Variants in EMILIN2 observed in about 807,000 individuals in gnomAD.
EMILIN2 encodes EMILIN-2.
Under a neutral mutation model 87.1 loss-of-function variants are expected in EMILIN2, and 71 were observed. The observed-to-expected ratio is 0.82, with a 90% CI of 0.67 to 0.99. The LOEUF (loss-of-function observed/expected upper bound fraction) is 0.99. EMILIN2 is among the 50% of genes least tolerant of loss of function. The pLI is 0.00. For synonymous variants in EMILIN2, 581 were observed against 563.4 expected (o/e 1.03, Z -0.44); for missense variants, 1,407 against 1,371.8 (o/e 1.03, Z -0.40).
intron 4 of EMILIN2, among the ~76,000 whole-genome samples, chr18:2,893,558 TTTG>T (rs1287900862): frequency 6.6e-6 from 1 of 152,192 alleles, no homozygotes; most frequent in African/African-American, 2.4e-5. Context: ...ATAAGATTTT[TTTG>T]TTACTTGTGG....
intron 2 of EMILIN2, among the ~76,000 whole-genome samples, chr18:2,859,188 T>G (rs778281133): frequency 1.3e-5 from 2 of 152,168 alleles, no homozygotes; most frequent in Non-Finnish European, 2.9e-5. Context: ...CCATCAGCAG[T>G]GTAGAAGTGT....
Position 2,890,336 on chromosome 18 carries a change from G to A in EMILIN2, c.434-225G>A, listed in dbSNP as rs2076828234. Among the ~76,000 whole-genome samples, 1 of 152,190 alleles carries A rather than the reference G, an allele frequency of 6.6e-6. No homozygotes were observed. Among genetic ancestry groups the A allele is most frequent in the Admixed American group, 6.5e-5 (1 of 15,272 alleles). On this transcript the variant is annotated intron_variant, in intron 3 of 7. Transcript: ENST00000254528. The surrounding 1 kb of genome is among the most constrained non-coding windows in gnomAD (Gnocchi z 4.7). ...ATAGTTCACAGAAGTTAGTTAACTTGCTCAAGGACAAACAGTAAATAGCAG... is the reference window on the plus strand; with the variant it reads ...ATAGTTCACAGAAGTTAGTTAACTTACTCAAGGACAAACAGTAAATAGCAG...
intron 3 of EMILIN2, among the ~76,000 whole-genome samples, chr18:2,889,133 C>CTTTTCTTTTT (rs2076819032): frequency 6.9e-4 from 58 of 84,306 alleles, no homozygotes; most frequent in Middle Eastern, 7.9e-3. Context: ...TCTTTCTTTT[C>CTTTTCTTTTT]TTTTTTTTTT....
intron 2 of EMILIN2, among the ~76,000 whole-genome samples, chr18:2,870,540 C>T (rs1272294843): frequency 3.9e-5 from 6 of 152,228 alleles, no homozygotes; most frequent in South Asian, 2.1e-4. Flanking sequence ...TAAATAATTA[C>T]GACATAAAAG....
At chr18:2,902,781 A>G (rs140309474) in intron 4 of EMILIN2, among the ~76,000 whole-genome samples, 19 of 152,280 alleles carry the variant, frequency 1.2e-4, no homozygotes, top group Non-Finnish European at 2.4e-4. Context: ...GATCCAAGCA[A>G]TATTTCCAAA....
Position 2,892,243 on chromosome 18 carries a change from G to T in EMILIN2, c.2116G>T (p.Val706Leu), listed in dbSNP as rs1483686749. 5.0e-6 allele frequency: 8 copies of T among 1,612,848 alleles called. No individual in the cohort carries two copies. The highest frequency in any genetic ancestry group is 1.7e-5 in the Admixed American group (1 of 59,986). ...QREVSMVEGR[V>L]SHMEKTCSKL... The stretch of plus-strand genomic sequence containing the variant: ...GGAGGTCTCCATGGTGGAGGGCAGG[G>T]TGTCTCATATGGAGAAAACTTGCAG... The change falls in exon 4 of 8, where the codon GTG becomes TTG. Residue 706 changes from valine to leucine, a missense_variant. Transcript: ENST00000254528.
In EMILIN2 at chr18:2,915,103, G is replaced by A. The variant is rs551731211; in HGVS notation, c.*1699G>A. 5.9e-5 allele frequency: 9 copies of A among 152,402 alleles called. No homozygotes were observed. The highest frequency in any genetic ancestry group is 4.6e-4 in the Admixed American group (7 of 15,306). The allele number at this position is 152,402 out of a possible 1,614,324, so 9.4% of individuals were successfully genotyped here. Reference sequence around the variant, plus strand: ...AAGGGGACGTGCTCAAGAGCTGCAGGGGCAGGGCCCAGGCAAAAGGTGGGT... The same window carrying A: ...AAGGGGACGTGCTCAAGAGCTGCAGAGGCAGGGCCCAGGCAAAAGGTGGGT... On this transcript the variant is annotated 3_prime_UTR_variant, in exon 8 of 8. Transcript: ENST00000254528.
rs185657102 is a variant in EMILIN2 at position 2,849,709 on chromosome 18, A to G, written c.257+1778A>G. 2.9e-3 allele frequency among the ~76,000 whole-genome samples: 444 copies of G among 152,364 alleles called. 2 individuals are homozygous for G. Among genetic ancestry groups the G allele is most frequent in the African/African-American group, 0.01 (422 of 41,584 alleles). On this transcript the variant is annotated intron_variant, in intron 2 of 7. Coordinates refer to ENST00000254528, the MANE Select transcript of EMILIN2 (RefSeq NM_032048.3). ...GATGTTTTATTTCAATAATAACCAT[A>G]TAAACAATACAAGTGCATTTTTACA...
intron 7 of EMILIN2, among the ~76,000 whole-genome samples, chr18:2,910,172 T>A (rs895848959): frequency 2.9e-5 from 4 of 138,834 alleles, no homozygotes; most frequent in African/African-American, 1.0e-4. Flanking sequence ...ATAGCCACCA[T>A]TGCACCCCTC....
intron 2 of EMILIN2, among the ~76,000 whole-genome samples, chr18:2,882,246 C>T (rs1199019837): frequency 6.6e-6 from 1 of 152,196 alleles, no homozygotes; most frequent in African/African-American, 2.4e-5. Context: ...TCCCAACTGC[C>T]CGAGCAGCCC....
intron 4 of EMILIN2, among the ~76,000 whole-genome samples, chr18:2,895,893 C>A (rs1397571399): frequency 6.6e-6 from 1 of 152,116 alleles, no homozygotes; most frequent in Non-Finnish European, 1.5e-5. Flanking sequence ...GAGCACAGAT[C>A]CAGAGGTGAA....
intron 2 of EMILIN2, among the ~76,000 whole-genome samples, chr18:2,865,626 G>A (rs1042712415): frequency 6.6e-6 from 1 of 152,220 alleles, no homozygotes; most frequent in Non-Finnish European, 1.5e-5. Flanking sequence ...CCCTACTGGG[G>A]GGTGCCTCCC....
chr18:2,910,609 C>T (rs2076936126), intron 7 of EMILIN2, among the ~76,000 whole-genome samples: 1 of 152,078 alleles, frequency 6.6e-6, no homozygotes, highest in Non-Finnish European at 1.5e-5. Context: ...AGTCACTGTT[C>T]TGCTCACGCA....
At position 2,865,170 on chromosome 18, in the gene EMILIN2, C is replaced by T. The variant is rs889570160; in HGVS notation, c.257+17239C>T. Reference sequence around the variant, plus strand: ...CTTTGCCATGGGTTTGAACTTCCTCCTTTAGCTCGTAGTAGTTTGATCTTC... The same window carrying T: ...CTTTGCCATGGGTTTGAACTTCCTCTTTTAGCTCGTAGTAGTTTGATCTTC... On this transcript the variant is annotated intron_variant, in intron 2 of 7. Coordinates refer to ENST00000254528, the MANE Select transcript of EMILIN2 (RefSeq NM_032048.3). 4.0e-5 allele frequency among the ~76,000 whole-genome samples: 6 copies of T among 151,738 alleles called. No individual in the cohort carries two copies. In the East Asian group the frequency reaches 1.2e-3, roughly 29 times the overall value.
rs755823271 is a variant in EMILIN2 at position 2,848,517 on chromosome 18, G to A, written c.257+586G>A. ...AACTTAGATTTGGAGATTCTCTAGA[G>A]ATTGTGGGAGAGAATGGCCGTTAAA... On this transcript the variant is annotated intron_variant, in intron 2 of 7. Coordinates refer to ENST00000254528, the MANE Select transcript of EMILIN2 (RefSeq NM_032048.3). This position sits in a 1 kb window ranked among gnomAD's most constrained non-coding sequence, Gnocchi z 4.1. 2.6e-5 allele frequency among the ~76,000 whole-genome samples: 4 copies of A among 151,746 alleles called. No individual in the cohort carries two copies. Among genetic ancestry groups the A allele is most frequent in the Non-Finnish European group, 4.4e-5 (3 of 67,970 alleles).
At chr18:2,859,122 A>G (rs1202819459) in intron 2 of EMILIN2, among the ~76,000 whole-genome samples, 1 of 152,128 alleles carries the variant, frequency 6.6e-6, no homozygotes, top group African/African-American at 2.4e-5. Context: ...TTCTACTTTT[A>G]GTTCTTTAAG....
rs1258934479 is a variant in EMILIN2 at position 2,913,339 on chromosome 18, G to A, written c.3097G>A (p.Asp1033Asn). The A allele has an allele frequency of 6.2e-7, 1 of 1,612,626 alleles. No individual in the cohort carries two copies. The highest frequency in any genetic ancestry group is 8.5e-7 in the Non-Finnish European group (1 of 1,179,248). Reference sequence around the variant, plus strand: ...GACTGGGGGCAAGCTGGCTCACACAGACTTTGATGAAATGTACTCCACATT... The same window carrying A: ...GACTGGGGGCAAGCTGGCTCACACAAACTTTGATGAAATGTACTCCACATT... The part of the protein sequence containing the change: ...VVTGGKLAHT[D>N]FDEMYSTFSG... Residue 1033 changes from aspartate to asparagine, a missense_variant, in exon 8 of 8, where the codon GAC becomes AAC. By Grantham distance (23) the Asp-to-Asn change is conservative (BLOSUM62 1). Transcript: ENST00000254528.
chr18:2,873,880 G>A (rs2144000699), intron 2 of EMILIN2, among the ~76,000 whole-genome samples: 1 of 152,230 alleles, frequency 6.6e-6, no homozygotes, highest in Admixed American at 6.5e-5. Context: ...AAGGCTTAGT[G>A]TCCTGCGGCC....
chr18:2,853,097 A>G (rs2076609445), intron 2 of EMILIN2, among the ~76,000 whole-genome samples: 2 of 152,334 alleles, frequency 1.3e-5, no homozygotes, highest in South Asian at 2.1e-4. Flanking sequence ...TGGACTCTAA[A>G]TAACACCTAG....
Sources: allele counts gnomAD v4.1 joint callset (sites outside exome capture counted in the v4.1 genomes callset), GRCh38; gene constraint gnomAD v4.1.1; non-coding constraint Gnocchi (gnomAD v3.1); transcripts MANE v1.5; gene names NCBI Gene and HGNC (gene_info 2026-07-23, HGNC 2026-07-21).